TTN: variants seen among roughly 807,000 people sequenced by gnomAD.
TTN encodes titin.
In TTN, 1,525 loss-of-function variants were observed where a neutral mutation model predicts 3,223.0. The ratio of observed to expected loss-of-function variants is 0.47; its 90% CI spans 0.45 to 0.49. The LOEUF is 0.49. Among genes scored for constraint, TTN ranks in the 20% least tolerant of loss-of-function variants. The pLI, the probability that TTN is intolerant of heterozygous loss-of-function variation, is 0.00. For synonymous variants in TTN, 14,094 were observed against 15,161.0 expected (o/e 0.93, Z 5.17); for missense variants, 40,786 against 43,424.0 (o/e 0.94, Z 5.40).
intron 47 of TTN, chr2:178,747,885 C>T (rs761496406): frequency 6.2e-7 from 1 of 1,613,082 alleles, no homozygotes; most frequent in Admixed American, 1.7e-5. Context: ...TTCTGTTGTT[C>T]TTCAGTCATC....
chr2:178,652,798 CAAG>C (rs2063303115), intron 200 of TTN, 47 bp downstream of exon 200: 2 of 1,604,030 alleles, frequency 1.2e-6, no homozygotes, highest in African/African-American at 1.4e-5. Flanking sequence ...AAAATATTTT[CAAG>C]AATAGAGGAG....
chr2:178,602,243 A>G (rs1559696882), intron 283 of TTN, 39 bp downstream of exon 283: 28 of 1,600,598 alleles, frequency 1.7e-5, no homozygotes, highest in Non-Finnish European at 2.4e-5. Flanking sequence ...TCATAATAAG[A>G]TCAAAAGAGG....
Position 178,651,333 on chromosome 2 carries a change from T to C in TTN, c.39548-13A>G. The C allele has an allele frequency of 6.2e-7, 1 of 1,611,428 alleles. No individual in the cohort carries two copies. The highest frequency in any genetic ancestry group is 1.1e-5 in the South Asian group (1 of 90,868). ...GGAACTTCAGGCACTTCAAATATAT[T>C]AGTATTTTAACATTAGAAACAATCA... On this transcript the variant is annotated splice_polypyrimidine_tract_variant and intron_variant, in intron 207 of 362. Transcript: ENST00000589042.
chr2:178,782,763 G>C (rs974765875), intron 18 of TTN, 43 bp downstream of exon 18: 10 of 1,611,790 alleles, frequency 6.2e-6, no homozygotes, highest in Non-Finnish European at 7.6e-6. Context: ...TCAGATGAAA[G>C]TGATGGCATG....
intron 47 of TTN, chr2:178,751,874 T>A: frequency 6.2e-7 from 1 of 1,607,070 alleles, no homozygotes; most frequent in East Asian, 2.2e-5. Flanking sequence ...AAATGTAAGT[T>A]TCTGGGTAAA....
At chr2:178,707,051 ATAAG>A (rs1289252943) in intron 100 of TTN, 97 bp from the exon 101 acceptor site, 5 of 1,044,484 alleles carry the variant, frequency 4.8e-6, no homozygotes, top group African/African-American at 1.6e-5. Flanking sequence ...TGGCAGTTTG[ATAAG>A]TAAGTACTGC....
At position 178,794,506 on chromosome 2, in the gene TTN, C is replaced by A; in HGVS notation, c.1291G>T (p.Ala431Ser). 6.2e-7 allele frequency: 1 copy of A among 1,614,204 alleles called. No homozygotes were observed. The highest frequency in any genetic ancestry group is 8.5e-7 in the Non-Finnish European group (1 of 1,180,020). Reference sequence around the variant, plus strand: ...CTCACTCTGGCCATATCAACGGCAGCAACAACAGTCGCAACAGCTGCACTT... The same window carrying A: ...CTCACTCTGGCCATATCAACGGCAGAAACAACAGTCGCAACAGCTGCACTT... ...DKSAAVATVV[A>S]AVDMARVREP... The change falls in exon 8 of 363, where the codon GCT becomes TCT. Residue 431 changes from alanine to serine, a missense_variant. Transcript: ENST00000589042.
At chr2:178,746,818 T>C (rs1677367735) in intron 47 of TTN, 1 of 1,613,438 alleles carries the variant, frequency 6.2e-7, no homozygotes, top group Non-Finnish European at 8.5e-7. Flanking sequence ...TGTTTTCATA[T>C]ACCTTCCTTT....
intron 152 of TTN, 34 bp from the exon 153 acceptor site, chr2:178,672,737 A>G (rs528594395): frequency 6.6e-7 from 1 of 1,524,118 alleles, no homozygotes; most frequent in East Asian, 2.3e-5. Flanking sequence ...GTTAGCTGAG[A>G]ATGTTCAATA....
rs1308710134 is a variant in TTN, at chr2:178,739,447, C to A, written c.13786G>T (p.Ala4596Ser). The A allele has an allele frequency of 3.1e-6, 5 of 1,613,768 alleles. No homozygotes were observed. Among genetic ancestry groups the A allele is most frequent in the Non-Finnish European group, 3.4e-6 (4 of 1,179,824 alleles). Residue 4596 changes from alanine (A) to serine (S), a missense_variant, in exon 48 of 363, where the codon GCT becomes TCT. Coordinates refer to ENST00000589042, the MANE Select transcript of TTN (RefSeq NM_001267550.2). ...TCCTCTTTGATTAAGCCACCCTCAG[C>A]TTCCTGTATCTTTACTGTAGCAACC... is the stretch of plus-strand genomic sequence containing the variant. The part of the protein sequence containing the change: ...EEVATVKIQE[A>S]EGGLIKEDGP...
At chr2:178,679,749 T>A in intron 140 of TTN, 67 bp from the exon 141 acceptor site, 4 of 1,541,386 alleles carry the variant, frequency 2.6e-6, no homozygotes, top group Non-Finnish European at 3.5e-6. Flanking sequence ...AAAGCACCTG[T>A]AGAAATCATA....
rs745929875 is a variant in TTN at position 178,768,855 on chromosome 2, T to G, written c.8981A>C (p.Tyr2994Ser). 3 of 1,614,138 alleles carry G rather than the reference T, an allele frequency of 1.9e-6. No individual in the cohort carries two copies. Among genetic ancestry groups the G allele is most frequent in the Non-Finnish European group, 2.5e-6 (3 of 1,180,006 alleles). Residue 2994 changes from tyrosine (Y) to serine (S), a missense_variant, in exon 38 of 363, where the codon TAT becomes TCT. By Grantham distance (144) the Tyr-to-Ser change is moderately radical. Coordinates refer to ENST00000589042, the MANE Select transcript of TTN (RefSeq NM_001267550.2). ...TAACCATTTGTAAGAGATGCCTTCATAGTTCACTGTCACCTCAAAAGTAAT... is the reference window on the plus strand; with the variant it reads ...TAACCATTTGTAAGAGATGCCTTCAGAGTTCACTGTCACCTCAAAAGTAAT... Reference protein sequence around the residue: ...DTITFEVTVNYEGISYKWLKN... With the variant: ...DTITFEVTVNSEGISYKWLKN...
intron 47 of TTN, chr2:178,745,476 T>C: frequency 1.3e-6 from 2 of 1,528,574 alleles, no homozygotes; most frequent in East Asian, 2.4e-5. Context: ...AGGTAATGAA[T>C]TCAAATATGG....
chr2:178,532,892 G>A lies in TTN; in HGVS notation c.103723C>T (p.Arg34575Cys), dbSNP rs190866742. 90 of 1,613,916 alleles carry A rather than the reference G, an allele frequency of 5.6e-5. No homozygotes were observed. Among genetic ancestry groups the A allele is most frequent in the East Asian group, 1.6e-4 (7 of 44,882 alleles). Residue 34575 changes from arginine to cysteine, a missense_variant, in exon 358 of 363, where the codon CGT (arginine) becomes TGT (cysteine). Physicochemically the swap from Arg to Cys is radical, Grantham distance 180. Transcript: ENST00000589042. The part of the protein sequence containing the change: ...MSDMKWYKKI[R>C]DQYEMPGKLD... ...TTCCCAGGCATTTCATACTGATCAC[G>A]TATCTTTTTATACCACTTCATGTCA...
rs1045370575 is a variant in TTN at position 178,595,488 on chromosome 2, T to C, written c.57847+19A>G. 1.0e-4 allele frequency: 33 copies of C among 322,464 alleles called. No homozygotes were observed. Among genetic ancestry groups the C allele is most frequent in the Non-Finnish European group, 1.5e-4 (32 of 215,672 alleles). The allele number at this position is 322,464 out of a possible 1,614,324, so 20.0% of individuals were successfully genotyped here. A position where few individuals can be genotyped will look rare whatever the true frequency, so the allele number is the denominator to read the frequency against. Reference sequence around the variant, plus strand: ...GAGTAAAGAAGTGATTAAGTATACATTTTTTTTTTTTTACTTACTTATTGG... The same window carrying C: ...GAGTAAAGAAGTGATTAAGTATACACTTTTTTTTTTTTACTTACTTATTGG... On this transcript the variant is annotated intron_variant, in intron 295 of 362. Coordinates refer to ENST00000589042, the MANE Select transcript of TTN (RefSeq NM_001267550.2).
In TTN at chr2:178,700,831, G is replaced by GT. The variant is rs141526230; in HGVS notation, c.30682+288dup. On this transcript the variant is annotated intron_variant, in intron 111 of 362. Transcript: ENST00000589042. ...TCCATTATTCTTTTTGTTATACATAGTAGTTAGGAAAATATGAAACATTAA... is the reference window on the plus strand; with the variant it reads ...TCCATTATTCTTTTTGTTATACATAGTTAGTTAGGAAAATATGAAACATTAA... 0.1 allele frequency among the ~76,000 whole-genome samples: 15,155 copies of GT among 149,306 alleles called. 1,401 individuals are homozygous for GT. The highest frequency in any genetic ancestry group is 0.24 in the African/African-American group (9,183 of 38,940).
intron 45 of TTN, among the ~76,000 whole-genome samples, chr2:178,757,180 T>G (rs1018647930): frequency 6.6e-6 from 1 of 152,232 alleles, no homozygotes; most frequent in Admixed American, 6.5e-5. Flanking sequence ...CTGTACTTAC[T>G]TTAAGTACAG....
At position 178,579,965 on chromosome 2, in the gene TTN, T is replaced by C. The variant is rs201223583; in HGVS notation, c.67322A>G (p.Glu22441Gly). The change falls in exon 318 of 363, where the codon GAA becomes GGA. Residue 22441 changes from glutamate (E) to glycine (G), a missense_variant. Transcript: ENST00000589042. The part of the protein sequence containing the change: ...ENEYGIGDPG[E>G]TRDAVKASQT... ...GGAAGCTTTGACAGCATCACGAGTT[T>C]CACCGGGATCACCAATGCCATACTC... 217 of 1,613,082 alleles carry C rather than the reference T, an allele frequency of 1.3e-4. No homozygotes were observed. Among genetic ancestry groups the C allele is most frequent in the Non-Finnish European group, 1.7e-4 (199 of 1,179,480 alleles).
Position 178,782,951 on chromosome 2 carries a change from A to C in TTN, c.2955T>G (p.Ser985Arg). The C allele has an allele frequency of 6.2e-7, 1 of 1,614,134 alleles. No homozygotes were observed. Among genetic ancestry groups the C allele is most frequent in the Non-Finnish European group, 8.5e-7 (1 of 1,180,014 alleles). The change falls in exon 18 of 363, where the codon AGT becomes AGG. Residue 985 changes from serine (S) to arginine (R), a missense_variant. Physicochemically the swap from Ser to Arg is moderately radical, Grantham distance 110 (BLOSUM62 -1). Transcript: ENST00000589042. ...GGAAGGTTATCTGGAAGTCAATGGA[A>C]CTTTCGATTTGGTAGTCTTCCCTGT... is the stretch of plus-strand genomic sequence containing the variant. ...TWYREDYQIE[S>R]SIDFQITFQS...
Sources: gnomAD v4.1 joint callset for allele counts (sites outside exome capture counted in the v4.1 genomes callset) on GRCh38, gnomAD v4.1.1 for gene constraint, MANE v1.5 for transcripts, NCBI Gene and HGNC (gene_info 2026-07-23, HGNC 2026-07-21) for gene names.